WDPCP: variants seen among roughly 807,000 people sequenced by gnomAD.
WDPCP encodes the protein WD repeat containing planar cell polarity effector.
A neutral mutation model predicts 93.1 loss-of-function variants in WDPCP; 71 were observed. The observed-to-expected ratio is 0.76, with a 90% CI of 0.63 to 0.93. WDPCP has a LOEUF of 0.93. Among genes scored for constraint, WDPCP ranks in the 40% least tolerant of loss-of-function variants. The pLI is 0.00. For missense variants in WDPCP, 844 were observed against 887.4 expected (o/e 0.95, Z 0.62); for synonymous variants, 315 against 315.0 (o/e 1.00, Z 0.00).
At chr2:63,447,075 A>T (rs1247158292) in intron 6 of WDPCP, among the ~76,000 whole-genome samples, 5 of 152,148 alleles carry the variant, frequency 3.3e-5, no homozygotes, top group East Asian at 1.9e-4. Flanking sequence ...TTAATCAGAA[A>T]TTTTTTCCCA....
chr2:63,752,402 A>C, intron 2 of WDPCP: 1 of 763,718 alleles, frequency 1.3e-6, no homozygotes. Flanking sequence ...TTTCCCATCC[A>C]CCTTGTGTGG....
chr2:63,438,286 C>T (rs1483945204), intron 7 of WDPCP, among the ~76,000 whole-genome samples: 1 of 151,960 alleles, frequency 6.6e-6, no homozygotes, highest in Non-Finnish European at 1.5e-5. Flanking sequence ...ATGTTTTATA[C>T]ATTTTCCTTT....
At chr2:63,696,830 T>C (rs193094885) in intron 2 of WDPCP, among the ~76,000 whole-genome samples, 1 of 152,320 alleles carries the variant, frequency 6.6e-6, no homozygotes, top group African/African-American at 2.4e-5. Flanking sequence ...GGTTTCTCAG[T>C]AGCAGCCTTC....
At chr2:63,299,979 G>C (rs1685199861) in intron 13 of WDPCP, among the ~76,000 whole-genome samples, 1 of 152,096 alleles carries the variant, frequency 6.6e-6, no homozygotes, top group Non-Finnish European at 1.5e-5. Context: ...GTGCTGTAAG[G>C]AGCAGATAAG....
chr2:63,325,319 G>T (rs765621054), intron 12 of WDPCP, among the ~76,000 whole-genome samples: 2 of 152,204 alleles, frequency 1.3e-5, no homozygotes, highest in Admixed American at 1.3e-4. Context: ...CCTCGTCCAT[G>T]TCCGCTATGC....
chr2:63,815,525 T>G (rs1283051909), intron 1 of WDPCP, among the ~76,000 whole-genome samples: 1 of 152,204 alleles, frequency 6.6e-6, no homozygotes, highest in Non-Finnish European at 1.5e-5. Flanking sequence ...GGCCTAGAGT[T>G]GTGAGATACA....
chr2:63,251,601 C>T (rs1020391470), intron 14 of WDPCP, among the ~76,000 whole-genome samples: 4 of 149,874 alleles, frequency 2.7e-5, no homozygotes, highest in Non-Finnish European at 5.9e-5. Context: ...ATGCCATTCT[C>T]CTGCCTCAGC....
chr2:63,389,322 T>G (rs1055391809), intron 10 of WDPCP, among the ~76,000 whole-genome samples: 3 of 152,132 alleles, frequency 2.0e-5, no homozygotes, highest in African/African-American at 7.2e-5. Flanking sequence ...GAAAAAGAAA[T>G]AAAATCCTTT....
chr2:63,458,420 T>A (rs1698786013), intron 6 of WDPCP, among the ~76,000 whole-genome samples: 1 of 152,134 alleles, frequency 6.6e-6, no homozygotes, highest in African/African-American at 2.4e-5. Context: ...CTGATCAGCA[T>A]ACATGTAAAA....
chr2:63,684,123 C>G (rs1668771540), intron 2 of WDPCP, among the ~76,000 whole-genome samples: 1 of 152,108 alleles, frequency 6.6e-6, no homozygotes, highest in Non-Finnish European at 1.5e-5. Flanking sequence ...CCAAATAAAC[C>G]TAGTAGATAC....
At chr2:63,560,310 A>AG (rs1706506590) in intron 1 of WDPCP, among the ~76,000 whole-genome samples, 1 of 152,212 alleles carries the variant, frequency 6.6e-6, no homozygotes, top group African/African-American at 2.4e-5. Context: ...AAAAGAACAA[A>AG]GCTGGAGGTA....
At chr2:63,600,392 C>T (rs1036522864) in intron 3 of WDPCP, among the ~76,000 whole-genome samples, 3 of 152,136 alleles carry the variant, frequency 2.0e-5, no homozygotes, top group Admixed American at 6.5e-5. Context: ...TCATAAATTA[C>T]GGAGCCACCT....
rs757608139 is a variant in WDPCP, at chr2:63,122,012, C to T, written c.2235G>A (p.Leu745=). Residue 745 remains leucine (L), a synonymous_variant, in exon 18 of 18, where the codon CTG becomes CTA. Coordinates refer to ENST00000272321, the MANE Select transcript of WDPCP (RefSeq NM_015910.7). Reference sequence around the variant, plus strand: ...TTTCTTTTTTTCTTAATGTTTACACCAGACCAAAGTGAATCATTTTGAGAG... The same window carrying T: ...TTTCTTTTTTTCTTAATGTTTACACTAGACCAAAGTGAATCATTTTGAGAG... ...GGSLKMIHFG[L]V is the part of the protein sequence containing the mutation. 6.2e-7 allele frequency: 1 copy of T among 1,613,162 alleles called. No homozygotes were observed. The highest frequency in any genetic ancestry group is 1.3e-5 in the African/African-American group (1 of 74,884).
chr2:63,717,259 G>A (rs1028130472), intron 2 of WDPCP: 2 of 541,644 alleles, frequency 3.7e-6, no homozygotes, highest in South Asian at 1.4e-5. Flanking sequence ...TAAGAAGCAG[G>A]CCAGAATTAA....
intron 10 of WDPCP, among the ~76,000 whole-genome samples, chr2:63,392,513 A>C (rs1392475676): frequency 6.6e-6 from 1 of 152,204 alleles, no homozygotes; most frequent in Non-Finnish European, 1.5e-5. Context: ...AAGCAATGGC[A>C]ACAAAAGCCA....
intron 12 of WDPCP, among the ~76,000 whole-genome samples, chr2:63,340,704 C>T (rs1290969203): frequency 6.6e-6 from 1 of 152,144 alleles, no homozygotes. Context: ...CTACCATCTG[C>T]TCAGAATGTT....
intron 17 of WDPCP, among the ~76,000 whole-genome samples, chr2:63,151,312 G>C (rs1353990257): frequency 6.6e-6 from 1 of 152,056 alleles, no homozygotes; most frequent in African/African-American, 2.4e-5. Context: ...ACAATCTCCA[G>C]CTCCTGGGCT....
chr2:63,770,009 G>A (rs933678274), intron 2 of WDPCP, among the ~76,000 whole-genome samples: 1 of 151,836 alleles, frequency 6.6e-6, no homozygotes, highest in African/African-American at 2.4e-5. Context: ...CCATGTATGA[G>A]TCTGAACAAA....
chr2:63,385,854 G>A (rs985407779), intron 10 of WDPCP, among the ~76,000 whole-genome samples: 1 of 151,904 alleles, frequency 6.6e-6, no homozygotes, highest in African/African-American at 2.4e-5. Flanking sequence ...AAGACTTACT[G>A]TAAAGCCACT....
Sources: allele counts gnomAD v4.1 joint callset (sites outside exome capture counted in the v4.1 genomes callset), GRCh38; gene constraint gnomAD v4.1.1; transcripts MANE v1.5; gene names NCBI Gene and HGNC (gene_info 2026-07-23, HGNC 2026-07-21).